Variants in TRPM3 observed in about 807,000 individuals in gnomAD.
TRPM3 encodes long transient receptor potential channel 3.
In TRPM3, 77 loss-of-function variants were observed where a neutral mutation model predicts 181.2. The ratio of observed to expected loss-of-function variants is 0.42; its 90% CI spans 0.35 to 0.51. The LOEUF is 0.51. Among genes scored for constraint, TRPM3 ranks in the 20% least tolerant of loss-of-function variants. The pLI is 0.01. For synonymous variants in TRPM3, 745 were observed against 796.4 expected, an observed-to-expected ratio of 0.94 and a Z score of 1.09; for missense variants, 1,759 against 2,196.7, an observed-to-expected ratio of 0.80 and a Z score of 3.98.
chr9:70,535,199 CTT>C lies in TRPM3; in HGVS notation c.*752_*753del, dbSNP rs779286892. Reference sequence around the variant, plus strand: ...CCACTGTATATAATAAATCACTTGACTTTTGTTTTTTTAACATCAACTCTTCT... The same window carrying C: ...CCACTGTATATAATAAATCACTTGACTTGTTTTTTTAACATCAACTCTTCT... On this transcript the variant is annotated 3_prime_UTR_variant, in exon 26 of 26. Transcript: ENST00000677713. 5 of 557,282 alleles carry C rather than the reference CTT, an allele frequency of 9.0e-6. No individual in the cohort carries two copies. Among genetic ancestry groups the C allele is most frequent in the Non-Finnish European group, 1.6e-5 (5 of 321,420 alleles). 34.5% of individuals were successfully genotyped at this position (557,282 alleles called of 1,614,324 possible).
At chr9:71,166,640 T>C (rs991878610) in intron 1 of TRPM3, among the ~76,000 whole-genome samples, 3 of 152,188 alleles carry the variant, frequency 2.0e-5, no homozygotes, top group Non-Finnish European at 2.9e-5. Context: ...AAGCTGTGAC[T>C]GAAGAAATAA....
intron 1 of TRPM3, among the ~76,000 whole-genome samples, chr9:71,237,944 T>A (rs933151458): frequency 4.6e-4 from 70 of 152,284 alleles, no homozygotes; most frequent in African/African-American, 1.5e-3. Context: ...TCCTCATTCC[T>A]TCATAAAGGC....
intron 1 of TRPM3, among the ~76,000 whole-genome samples, chr9:71,286,958 A>AATAT (rs2085328266): frequency 2.2e-5 from 2 of 91,388 alleles, no homozygotes; most frequent in African/African-American, 9.4e-5. Context: ...TATTTTATAT[A>AATAT]AATTATATAT....
chr9:70,996,231 G>A (rs779846701), intron 1 of TRPM3, among the ~76,000 whole-genome samples: 2 of 152,132 alleles, frequency 1.3e-5, no homozygotes, highest in Non-Finnish European at 2.9e-5. Context: ...TATATAAAGG[G>A]GTTAAGAACT....
intron 22 of TRPM3, among the ~76,000 whole-genome samples, chr9:70,553,586 G>A (rs185712074): frequency 2.6e-5 from 4 of 152,206 alleles, no homozygotes; most frequent in East Asian, 3.9e-4. Flanking sequence ...TCACACTGCC[G>A]CTAGGCCCCT....
intron 1 of TRPM3, among the ~76,000 whole-genome samples, chr9:70,864,957 A>G (rs1324497646): frequency 6.6e-6 from 1 of 151,784 alleles, no homozygotes; most frequent in Non-Finnish European, 1.5e-5. Flanking sequence ...TGTAGAAGGA[A>G]AGAAAAATGG....
chr9:70,865,036 A>T (rs1411299932), intron 1 of TRPM3, among the ~76,000 whole-genome samples: 3 of 134,424 alleles, frequency 2.2e-5, no homozygotes, highest in Non-Finnish European at 4.7e-5. Context: ...AGTGCTAAGT[A>T]CAGGGGGGTT....
intron 24 of TRPM3, among the ~76,000 whole-genome samples, chr9:70,551,146 G>A (rs1032418152): frequency 3.3e-5 from 5 of 152,068 alleles, no homozygotes; most frequent in Admixed American, 6.5e-5. Flanking sequence ...CCATTAACAC[G>A]TCAAATTTTA....
intron 1 of TRPM3, among the ~76,000 whole-genome samples, chr9:71,251,348 G>C: frequency 6.6e-6 from 1 of 152,048 alleles, no homozygotes. Context: ...CTTACCCTCT[G>C]ATAAATTAAC....
intron 1 of TRPM3, among the ~76,000 whole-genome samples, chr9:71,308,820 TGACAACAA>T (rs2087634652): frequency 6.6e-6 from 1 of 152,162 alleles, no homozygotes; most frequent in Non-Finnish European, 1.5e-5. Flanking sequence ...AATGAGATTA[TGACAACAA>T]TTCTAATGCA....
At chr9:70,789,574 A>G (rs1251409437) in intron 6 of TRPM3, among the ~76,000 whole-genome samples, 2 of 152,188 alleles carry the variant, frequency 1.3e-5, no homozygotes, top group Non-Finnish European at 1.5e-5. Flanking sequence ...ATTTTCTACC[A>G]TCACCAAAGA....
chr9:71,378,328 A>C (rs1269248294), intron 1 of TRPM3, among the ~76,000 whole-genome samples: 1 of 152,128 alleles, frequency 6.6e-6, no homozygotes, highest in East Asian at 1.9e-4. Context: ...AAGAATGTGG[A>C]GCAACAGAAC....
At chr9:71,168,427 T>A (rs1330278961) in intron 1 of TRPM3, among the ~76,000 whole-genome samples, 1 of 151,332 alleles carries the variant, frequency 6.6e-6, no homozygotes, top group Non-Finnish European at 1.5e-5. Context: ...TTAGAATTAC[T>A]GAGAGTTTAA....
At chr9:71,154,983 C>G (rs1309491537) in intron 1 of TRPM3, among the ~76,000 whole-genome samples, 1 of 152,098 alleles carries the variant, frequency 6.6e-6, no homozygotes, top group Non-Finnish European at 1.5e-5. Flanking sequence ...ATTAGCCTGG[C>G]TACATATCAA....
chr9:70,838,684 G>C (rs764362968), intron 5 of TRPM3, among the ~76,000 whole-genome samples: 4 of 152,108 alleles, frequency 2.6e-5, no homozygotes, highest in Non-Finnish European at 5.9e-5. Flanking sequence ...TAATAGAGGA[G>C]AGGGATGGTG....
chr9:70,826,974 T>C (rs2093593722), intron 6 of TRPM3: 1 of 152,186 alleles, frequency 6.6e-6, no homozygotes, highest in Non-Finnish European at 1.5e-5. Context: ...GCATTGCTGT[T>C]TTGATGATGC....
intron 8 of TRPM3, among the ~76,000 whole-genome samples, chr9:70,760,522 G>T (rs1376392509): frequency 1.3e-5 from 2 of 151,050 alleles, no homozygotes. Context: ...CTATATATGG[G>T]GCAGCCAGAC....
intron 25 of TRPM3, among the ~76,000 whole-genome samples, chr9:70,546,535 T>C (rs554661550): frequency 3.3e-5 from 5 of 152,168 alleles, no homozygotes; most frequent in Non-Finnish European, 7.3e-5. Flanking sequence ...AGTGCGTGGC[T>C]TACTGCCTGG....
intron 1 of TRPM3, among the ~76,000 whole-genome samples, chr9:70,959,879 C>G (rs1479476670): frequency 6.6e-6 from 1 of 152,160 alleles, no homozygotes; most frequent in Non-Finnish European, 1.5e-5. Flanking sequence ...TCCATGTTAT[C>G]AAGCCTTAGC....
Sources: allele counts gnomAD v4.1 joint callset (sites outside exome capture counted in the v4.1 genomes callset), GRCh38; gene constraint gnomAD v4.1.1; transcripts MANE v1.5; gene names NCBI Gene and HGNC (gene_info 2026-07-23, HGNC 2026-07-21).